Variants in RNF220 observed in about 807,000 individuals in gnomAD.
RNF220 encodes E3 ubiquitin-protein ligase RNF220.
RNF220 carries 7 observed loss-of-function variants against 67.1 expected under a neutral mutation model. The observed-to-expected ratio is 0.10, with a 90% CI of 0.06 to 0.20. The LOEUF is 0.20. Among genes scored for constraint, RNF220 ranks in the 10% least tolerant of loss-of-function variants. The pLI is 1.00. For missense variants in RNF220, 565 were observed against 740.3 expected, an observed-to-expected ratio of 0.76 and a Z score of 2.75; for synonymous variants, 270 against 283.2, an observed-to-expected ratio of 0.95 and a Z score of 0.47.
At chr1:44,625,248 C>T (rs1643905590) in intron 4 of RNF220, among the ~76,000 whole-genome samples, 1 of 152,196 alleles carries the variant, frequency 6.6e-6, no homozygotes, top group African/African-American at 2.4e-5. Context: ...AGGAGCTCCA[C>T]GTTGCAGAGA....
intron 2 of RNF220, among the ~76,000 whole-genome samples, chr1:44,587,222 A>T (rs950448296): frequency 7.1e-6 from 1 of 140,572 alleles, no homozygotes; most frequent in African/African-American, 2.7e-5. Flanking sequence ...ATCTCGGCTC[A>T]CGGCAACCTC....
At chr1:44,499,562 C>T (rs1390270965) in intron 2 of RNF220, among the ~76,000 whole-genome samples, 2 of 152,134 alleles carry the variant, frequency 1.3e-5, no homozygotes, top group East Asian at 3.9e-4. Flanking sequence ...GCTGGTTCCT[C>T]CTCCTTTCAG....
intron 2 of RNF220, among the ~76,000 whole-genome samples, chr1:44,514,011 T>G (rs749055264): frequency 6.6e-6 from 1 of 152,240 alleles, no homozygotes; most frequent in Non-Finnish European, 1.5e-5. Context: ...CTTCATAGTA[T>G]CACCACAGCA....
intron 2 of RNF220, among the ~76,000 whole-genome samples, chr1:44,431,766 G>C (rs1366134841): frequency 6.6e-6 from 1 of 152,202 alleles, no homozygotes; most frequent in Non-Finnish European, 1.5e-5. Flanking sequence ...CATCGGCTCT[G>C]TTTGTTGCAG....
intron 2 of RNF220, among the ~76,000 whole-genome samples, chr1:44,480,207 C>T (rs1572631904): frequency 6.6e-6 from 1 of 152,096 alleles, no homozygotes; most frequent in South Asian, 2.1e-4. Flanking sequence ...AGTTTGAGAC[C>T]AGCCTGGCCA....
chr1:44,556,254 G>A (rs937275255), intron 2 of RNF220, among the ~76,000 whole-genome samples: 3 of 150,074 alleles, frequency 2.0e-5, no homozygotes, highest in South Asian at 2.1e-4. Flanking sequence ...GGCTGGTCTC[G>A]AACTCCTGAC....
At chr1:44,556,177 G>C (rs1395647435) in intron 2 of RNF220, among the ~76,000 whole-genome samples, 1 of 149,922 alleles carries the variant, frequency 6.7e-6, no homozygotes, top group Non-Finnish European at 1.5e-5. Context: ...TGGGATTACA[G>C]GCGTGCATCA....
chr1:44,522,654 G>C (rs918722089), intron 2 of RNF220, among the ~76,000 whole-genome samples: 3 of 151,904 alleles, frequency 2.0e-5, no homozygotes, highest in Admixed American at 6.6e-5. Flanking sequence ...CATCCCTCCT[G>C]GGGGGGCGGG....
rs912931827 is a variant in RNF220 at position 44,621,113 on chromosome 1, A to G, written c.759-1629A>G. Among the ~76,000 whole-genome samples the G allele has an allele frequency of 6.6e-6, 1 of 151,986 alleles. No individual in the cohort carries two copies. The highest frequency in any genetic ancestry group is 2.4e-5 in the African/African-American group (1 of 41,382). ...GTATTTTTAGTAGAGACGGGGTTTC[A>G]CCATGTTGGCCAGGCTGGTCTCGAA... On this transcript the variant is annotated intron_variant, in intron 3 of 14. Coordinates refer to ENST00000361799, the MANE Select transcript of RNF220 (RefSeq NM_018150.4). The surrounding 1 kb of genome is among the most constrained non-coding windows in gnomAD (Gnocchi z 4.8).
At chr1:44,445,520 C>G (rs926234018) in intron 2 of RNF220, among the ~76,000 whole-genome samples, 4 of 152,052 alleles carry the variant, frequency 2.6e-5, no homozygotes, top group Admixed American at 2.6e-4. Context: ...CTCCCTCCCC[C>G]TTCTTTACTG....
intron 2 of RNF220, among the ~76,000 whole-genome samples, chr1:44,603,765 G>A (rs1051076223): frequency 2.0e-5 from 3 of 152,062 alleles, no homozygotes; most frequent in African/African-American, 7.3e-5. Flanking sequence ...AGGGTTCTGG[G>A]TCTCTTAACC....
At chr1:44,508,503 C>G (rs940320362) in intron 2 of RNF220, among the ~76,000 whole-genome samples, 2 of 152,148 alleles carry the variant, frequency 1.3e-5, no homozygotes, top group African/African-American at 4.8e-5. Context: ...GCTGGGTGCC[C>G]CAAAAGATGG....
At position 44,626,314 on chromosome 1, in the gene RNF220, T is replaced by C. The variant is rs932714281; in HGVS notation, c.822T>C (p.Ala274=). ...PGTPKSLLLS[A]SIKREGESPT... is the part of the protein sequence containing the mutation. ...TCTTCCAGTCCCTCCTGTTGTCTGCTTCCATCAAGAGGGAAGGAGAGTCTC... is the reference window on the plus strand; with the variant it reads ...TCTTCCAGTCCCTCCTGTTGTCTGCCTCCATCAAGAGGGAAGGAGAGTCTC... The change falls in exon 5 of 15, where the codon GCT becomes GCC. Residue 274 remains alanine (A), a synonymous_variant. Transcript: ENST00000361799. The C allele has an allele frequency of 2.0e-5, 32 of 1,613,896 alleles. No individual in the cohort carries two copies. Among genetic ancestry groups the C allele is most frequent in the Non-Finnish European group, 2.7e-5 (32 of 1,179,910 alleles).
At chr1:44,432,510 T>C (rs1650498787) in intron 2 of RNF220, among the ~76,000 whole-genome samples, 1 of 152,094 alleles carries the variant, frequency 6.6e-6, no homozygotes, top group South Asian at 2.1e-4. Flanking sequence ...TCTCAAGTGA[T>C]CCTCCTGCCT....
At chr1:44,470,815 C>T (rs1439102295) in intron 2 of RNF220, among the ~76,000 whole-genome samples, 1 of 152,190 alleles carries the variant, frequency 6.6e-6, no homozygotes, top group Non-Finnish European at 1.5e-5. Context: ...ATTTACTTTC[C>T]TATTTCTTCC....
intron 6 of RNF220, 36 bp downstream of exon 6, chr1:44,632,421 C>T: frequency 1.3e-6 from 2 of 1,547,780 alleles, no homozygotes; most frequent in Non-Finnish European, 1.7e-6. Context: ...CGCCCCACCC[C>T]CGGCCTCCTC....
At chr1:44,462,166 C>T (rs1653838875) in intron 2 of RNF220, among the ~76,000 whole-genome samples, 1 of 152,070 alleles carries the variant, frequency 6.6e-6, no homozygotes, top group East Asian at 1.9e-4. Flanking sequence ...AACTCCTGCT[C>T]AAGTGATCCG....
At chr1:44,578,822 T>G (rs1401868274) in intron 2 of RNF220, among the ~76,000 whole-genome samples, 1 of 152,136 alleles carries the variant, frequency 6.6e-6, no homozygotes, top group African/African-American at 2.4e-5. Context: ...ATTTATTGAG[T>G]GCTCACAGTG....
chr1:44,566,364 G>A (rs1174984008), intron 2 of RNF220, among the ~76,000 whole-genome samples: 8 of 152,132 alleles, frequency 5.3e-5, no homozygotes, highest in African/African-American at 1.4e-4. Flanking sequence ...GACTAAGTGC[G>A]GAGGGAGGGG....
Sources: allele counts gnomAD v4.1 joint callset (sites outside exome capture counted in the v4.1 genomes callset), GRCh38; gene constraint gnomAD v4.1.1; non-coding constraint Gnocchi (gnomAD v3.1); transcripts MANE v1.5; gene names NCBI Gene and HGNC (gene_info 2026-07-23, HGNC 2026-07-21).